DGAT2: variants seen among roughly 807,000 people sequenced by gnomAD.
DGAT2 encodes acyl-CoA retinol O-fatty-acyltransferase.
Under a neutral mutation model 48.4 loss-of-function variants are expected in DGAT2, and 33 were observed. The observed-to-expected ratio is 0.68, with a 90% confidence interval of 0.52 to 0.91. The LOEUF is 0.91. Ranked by LOEUF, DGAT2 falls within the 40% of genes least tolerant of loss-of-function variation. DGAT2 has a pLI of 0.00. For missense variants in DGAT2, 446 were observed against 493.7 expected (o/e 0.90, Z 0.92); for synonymous variants, 191 against 194.1 (o/e 0.98, Z 0.13).
intron 1 of DGAT2, among the ~76,000 whole-genome samples, chr11:75,774,745 C>T (rs755308962): frequency 8.5e-5 from 13 of 152,236 alleles, no homozygotes; most frequent in Non-Finnish European, 1.5e-4. Context: ...CCAGAAGAAC[C>T]TGTCTCCCCA....
intron 1 of DGAT2, among the ~76,000 whole-genome samples, chr11:75,778,155 A>G (rs1452935232): frequency 6.6e-6 from 1 of 151,894 alleles, no homozygotes; most frequent in Non-Finnish European, 1.5e-5. Flanking sequence ...ACTCATTCCA[A>G]CTTCTTTATT....
intron 3 of DGAT2, 36 bp downstream of exon 3, chr11:75,790,331 C>T (rs1944973236): frequency 6.6e-7 from 1 of 1,520,174 alleles, no homozygotes; most frequent in Non-Finnish European, 9.1e-7. Flanking sequence ...ACCTCTCATT[C>T]TAGGGATGCT....
chr11:75,771,851 A>G (rs899813723), intron 1 of DGAT2, among the ~76,000 whole-genome samples: 1 of 152,126 alleles, frequency 6.6e-6, no homozygotes, highest in Non-Finnish European at 1.5e-5. Flanking sequence ...CAGTGACTCA[A>G]TGGTCAGTGT....
chr11:75,796,022 G>A (rs1454986715), intron 4 of DGAT2: 2 of 348,032 alleles, frequency 5.7e-6, no homozygotes, highest in Admixed American at 4.4e-5. Context: ...GGGCCCAGAG[G>A]GAGGGAAGGC....
chr11:75,783,994 G>C (rs957095049), intron 1 of DGAT2, among the ~76,000 whole-genome samples: 7 of 152,092 alleles, frequency 4.6e-5, no homozygotes, highest in African/African-American at 1.7e-4. Flanking sequence ...CCACGCTTTG[G>C]GCACTGAGAT....
intron 1 of DGAT2, 199 bp from the exon 2 acceptor site, chr11:75,784,419 G>T: frequency 1.7e-6 from 1 of 588,478 alleles, no homozygotes. Flanking sequence ...AGAAACCAGG[G>T]CACAGGGGAG....
intron 7 of DGAT2, among the ~76,000 whole-genome samples, chr11:75,799,810 T>G (rs754581936): frequency 2.6e-5 from 4 of 151,760 alleles, no homozygotes; most frequent in Non-Finnish European, 5.9e-5. Context: ...GTAGAGACGA[T>G]TTTCACCATG....
At chr11:75,784,302 A>C in intron 1 of DGAT2, 1 of 198,958 alleles carries the variant, frequency 5.0e-6, no homozygotes, top group Non-Finnish European at 1.0e-5. Context: ...AGAACTGGCA[A>C]TTATGAGAGA....
In DGAT2 at chr11:75,790,295, G is replaced by GGTAA. The variant is rs768531374; in HGVS notation, c.358+3_358+6dup. 6.2e-7 allele frequency: 1 copy of GGTAA among 1,612,986 alleles called. No homozygotes were observed. The highest frequency in any genetic ancestry group is 8.5e-7 in the Non-Finnish European group (1 of 1,178,968). ...GTTTGACTGGAACACACCCAAGAAA[G>GGTAA]GTAAGTGCAAGGCCTCCCTTGCCCC... On this transcript the variant is annotated frameshift_variant and splice_region_variant. Transcript: ENST00000228027. LOFTEE classifies it high-confidence loss of function.
intron 5 of DGAT2, chr11:75,796,876 C>T: frequency 2.2e-6 from 1 of 446,454 alleles, no homozygotes; most frequent in South Asian, 3.9e-5. Context: ...GCATTGGGAT[C>T]CCCAACACCT....
chr11:75,779,672 CT>C (rs2135763054), intron 1 of DGAT2, among the ~76,000 whole-genome samples: 1 of 152,328 alleles, frequency 6.6e-6, no homozygotes, highest in African/African-American at 2.4e-5. Flanking sequence ...CAAGTGCTGC[CT>C]GGGAGCAGCC....
intron 4 of DGAT2, chr11:75,792,715 A>G (rs1435909968): frequency 6.6e-6 from 1 of 151,890 alleles, no homozygotes; most frequent in East Asian, 1.9e-4. Context: ...ACAGTGCCCC[A>G]CATCACCTCT....
chr11:75,784,173 C>A (rs1008582346), intron 1 of DGAT2, among the ~76,000 whole-genome samples: 5 of 152,062 alleles, frequency 3.3e-5, no homozygotes, highest in Non-Finnish European at 7.4e-5. Flanking sequence ...AGAAAAAAAA[C>A]CATTGCAAAT....
intron 1 of DGAT2, among the ~76,000 whole-genome samples, chr11:75,784,182 A>G (rs1261223804): frequency 6.6e-6 from 1 of 152,098 alleles, no homozygotes; most frequent in Admixed American, 6.5e-5. Context: ...ACCATTGCAA[A>G]TTGGATGTTG....
chr11:75,774,335 C>T (rs1001861540), intron 1 of DGAT2, among the ~76,000 whole-genome samples: 3 of 152,230 alleles, frequency 2.0e-5, no homozygotes, highest in Non-Finnish European at 4.4e-5. Context: ...GTCTCCTCAT[C>T]TATGAAATGA....
intron 1 of DGAT2, among the ~76,000 whole-genome samples, chr11:75,771,580 T>TTCCA (rs1348605423): frequency 6.6e-6 from 1 of 151,946 alleles, no homozygotes; most frequent in Non-Finnish European, 1.5e-5. Context: ...GAGGATGGAG[T>TTCCA]TCCACATCAC....
intron 4 of DGAT2, chr11:75,793,924 G>C (rs909879745): frequency 1.6e-4 from 25 of 152,290 alleles, no homozygotes; most frequent in African/African-American, 3.4e-4. Flanking sequence ...AATCTTAACA[G>C]AGCTCATGTA....
At chr11:75,800,154 G>A (rs1347264575) in intron 7 of DGAT2, among the ~76,000 whole-genome samples, 200 bp from the exon 8 acceptor site, 4 of 152,168 alleles carry the variant, frequency 2.6e-5, no homozygotes, top group African/African-American at 4.8e-5. Flanking sequence ...TGGTGGCCTC[G>A]GGTGGGTCCC....
In DGAT2 at chr11:75,768,928, G is replaced by A. The variant is rs1016519177; in HGVS notation, c.-64G>A. On this transcript the variant is annotated 5_prime_UTR_variant, in exon 1 of 8. Transcript: ENST00000228027. ...CGAAGCCCTGGCCCCGGGGGCCGGG[G>A]CATGGGCCAGGGGCGCGGGGTGAAG... 7 of 1,379,088 alleles carry A rather than the reference G, an allele frequency of 5.1e-6. No individual in the cohort carries two copies. In the African/African-American group the frequency reaches 7.6e-5, roughly 15 times the overall value. The allele number at this position is 1,379,088 out of a possible 1,614,324, so 85.4% of individuals were successfully genotyped here. A position where few individuals can be genotyped will look rare whatever the true frequency, so the allele number is the denominator to read the frequency against.
Sources: allele counts gnomAD v4.1 joint callset (sites outside exome capture counted in the v4.1 genomes callset), GRCh38; gene constraint gnomAD v4.1.1; transcripts MANE v1.5; gene names NCBI Gene and HGNC (gene_info 2026-07-23, HGNC 2026-07-21).